The following RHEX variants were observed in gnomAD, a reference collection of about 807,000 sequenced individuals.
The protein encoded by RHEX is regulator of hemoglobinization and erythroid cell expansion protein.
Under a neutral mutation model 20.1 loss-of-function variants are expected in RHEX, and 18 were observed. That is an observed-to-expected ratio of 0.90 (90% confidence interval 0.62 to 1.33). The LOEUF is 1.33. RHEX is among the 40% of genes most tolerant of loss of function. RHEX has a pLI of 0.00. For synonymous variants in RHEX, 87 were observed against 77.1 expected (o/e 1.13, Z -0.67); for missense variants, 192 against 214.3 (o/e 0.90, Z 0.65).
rs185055459 is a variant in RHEX at position 206,054,283 on chromosome 1, G to A, written c.-97+1018G>A. On this transcript the variant is annotated intron_variant, in intron 1 of 5. Coordinates refer to ENST00000331555, the MANE Select transcript of RHEX (RefSeq NM_001007544.4). ...CATTGAAGAATTGTCGGCAAAAGTC[G>A]TGAAAGAAAAAATGTTATAAAAAAA... Among the ~76,000 whole-genome samples, 7 of 152,222 alleles carry A rather than the reference G, an allele frequency of 4.6e-5. No homozygotes were observed. In the East Asian group the frequency reaches 5.8e-4, roughly 13 times the overall value.
intron 1 of RHEX, among the ~76,000 whole-genome samples, chr1:206,081,631 G>T (rs1433671643): frequency 6.6e-6 from 1 of 152,162 alleles, no homozygotes; most frequent in African/African-American, 2.4e-5. Flanking sequence ...CATTATCTCT[G>T]ATACATGATA....
At chr1:206,094,797 C>T (rs530294226) in intron 1 of RHEX, among the ~76,000 whole-genome samples, 2 of 152,324 alleles carry the variant, frequency 1.3e-5, no homozygotes, top group East Asian at 1.9e-4. Context: ...ATCCTTCCAC[C>T]TCGCTATCCC....
At chr1:206,070,275 C>T (rs1156711721) in intron 1 of RHEX, among the ~76,000 whole-genome samples, 1 of 152,166 alleles carries the variant, frequency 6.6e-6, no homozygotes, top group Non-Finnish European at 1.5e-5. Flanking sequence ...CTCCTGCCAT[C>T]CCCCTATATC....
chr1:206,073,912 A>G (rs1278253945), intron 1 of RHEX, among the ~76,000 whole-genome samples: 2 of 152,144 alleles, frequency 1.3e-5, no homozygotes, highest in Non-Finnish European at 2.9e-5. Flanking sequence ...ACTAGCCTTC[A>G]ATGGGCTAGC....
At chr1:206,076,645 G>A (rs988169811) in intron 1 of RHEX, among the ~76,000 whole-genome samples, 1 of 152,166 alleles carries the variant, frequency 6.6e-6, no homozygotes, top group Non-Finnish European at 1.5e-5. Flanking sequence ...CCCCAAATGT[G>A]ACTTCATTAA....
intron 1 of RHEX, among the ~76,000 whole-genome samples, chr1:206,085,529 TA>T (rs1434749855): frequency 1.3e-5 from 2 of 152,248 alleles, no homozygotes; most frequent in African/African-American, 4.8e-5. Flanking sequence ...GTCTTGGAAC[TA>T]AGTTGCATCC....
At chr1:206,059,621 G>A (rs1662269047) in intron 1 of RHEX, among the ~76,000 whole-genome samples, 1 of 151,946 alleles carries the variant, frequency 6.6e-6, no homozygotes, top group Non-Finnish European at 1.5e-5. Flanking sequence ...CAGATAAAGA[G>A]AGCTTTGGGT....
intron 3 of RHEX, chr1:206,098,508 C>A: frequency 3.8e-6 from 1 of 263,118 alleles, no homozygotes. Context: ...TTTTCTTCAT[C>A]CCTGTTAAAG....
At chr1:206,096,135 T>C in intron 1 of RHEX, among the ~76,000 whole-genome samples, 1 of 152,316 alleles carries the variant, frequency 6.6e-6, no homozygotes, top group East Asian at 1.9e-4. Context: ...CGGCTCAATT[T>C]GGGGCGATTT....
chr1:206,092,643 CA>C (rs1188249818), intron 1 of RHEX, among the ~76,000 whole-genome samples: 15 of 152,032 alleles, frequency 9.9e-5, no homozygotes, highest in African/African-American at 1.9e-4. Context: ...GAGATTTCAT[CA>C]AAAAAAATTT....
chr1:206,078,277 T>C (rs1662671533), intron 1 of RHEX, among the ~76,000 whole-genome samples: 1 of 152,178 alleles, frequency 6.6e-6, no homozygotes, highest in Non-Finnish European at 1.5e-5. Flanking sequence ...CGGTGGCTCA[T>C]GTCTGTAATC....
chr1:206,092,848 T>C (rs1324842403), intron 1 of RHEX, among the ~76,000 whole-genome samples: 1 of 152,202 alleles, frequency 6.6e-6, no homozygotes, highest in Non-Finnish European at 1.5e-5. Context: ...TGGAGGAGGC[T>C]GAATGTTACA....
At chr1:206,057,030 A>C (rs1210245531) in intron 1 of RHEX, among the ~76,000 whole-genome samples, 1 of 152,238 alleles carries the variant, frequency 6.6e-6, no homozygotes, top group East Asian at 1.9e-4. Flanking sequence ...AAAATATGTA[A>C]CATTAGGCAT....
rs1472760734 is a variant in RHEX, at chr1:206,053,197, TG to T, written c.-163del. Reference sequence around the variant, plus strand: ...CAGAGCAGCGTGTAGCAGTTCCCTGTGGAGGATTAACACAGTGGCTGAACAC... The same window carrying T: ...CAGAGCAGCGTGTAGCAGTTCCCTGTGAGGATTAACACAGTGGCTGAACAC... On this transcript the variant is annotated 5_prime_UTR_variant, in exon 1 of 6. Transcript: ENST00000331555. 2.0e-5 allele frequency: 3 copies of T among 152,726 alleles called. No homozygotes were observed. Among genetic ancestry groups the T allele is most frequent in the Non-Finnish European group, 2.9e-5 (2 of 68,436 alleles). 9.5% of individuals were successfully genotyped at this position (152,726 alleles called of 1,614,324 possible). A position where few individuals can be genotyped will look rare whatever the true frequency, so the allele number is the denominator to read the frequency against.
chr1:206,064,041 G>GC (rs1393103604), intron 1 of RHEX, among the ~76,000 whole-genome samples: 3 of 148,234 alleles, frequency 2.0e-5, no homozygotes, highest in African/African-American at 7.5e-5. Context: ...CCTTTGCCCC[G>GC]CCGCCCCGTC....
intron 1 of RHEX, among the ~76,000 whole-genome samples, chr1:206,093,841 GT>G (rs1163991088): frequency 6.6e-6 from 1 of 151,766 alleles, no homozygotes; most frequent in East Asian, 1.9e-4. Context: ...ACGAAGTAGG[GT>G]TTTTTTTGGT....
chr1:206,055,157 G>GCT (rs1219158612), intron 1 of RHEX, among the ~76,000 whole-genome samples: 3 of 152,260 alleles, frequency 2.0e-5, no homozygotes, highest in Non-Finnish European at 4.4e-5. Context: ...GTCATGCCAA[G>GCT]CTCTCTCTGC....
intron 1 of RHEX, among the ~76,000 whole-genome samples, chr1:206,065,061 A>G (rs1662397168): frequency 6.6e-6 from 1 of 152,074 alleles, no homozygotes; most frequent in East Asian, 1.9e-4. Flanking sequence ...GCTTTGTTAA[A>G]CAGATGCTTG....
chr1:206,092,643 CAA>C (rs1188249818), intron 1 of RHEX, among the ~76,000 whole-genome samples: 10 of 152,032 alleles, frequency 6.6e-5, no homozygotes, highest in African/African-American at 2.4e-4. Flanking sequence ...GAGATTTCAT[CAA>C]AAAAAATTTT....
Sources: allele counts gnomAD v4.1 joint callset (sites outside exome capture counted in the v4.1 genomes callset), GRCh38; gene constraint gnomAD v4.1.1; transcripts MANE v1.5; gene names NCBI Gene and HGNC (gene_info 2026-07-23, HGNC 2026-07-21).